MAPK10: variants seen among roughly 807,000 people sequenced by gnomAD.
MAPK10 encodes the protein JNK3 alpha protein kinase.
Under a neutral mutation model 59.3 loss-of-function variants are expected in MAPK10, and 25 were observed. The observed-to-expected ratio is 0.42, with a 90% CI of 0.31 to 0.59. The LOEUF is 0.59. Ranked by LOEUF, MAPK10 falls within the 20% of genes least tolerant of loss-of-function variation. The pLI is 0.15. For missense variants in MAPK10, 351 were observed against 568.9 expected (o/e 0.62, Z 3.90); for synonymous variants, 190 against 200.5 (o/e 0.95, Z 0.44).
At chr4:86,471,275 CAAAAAAAAAA>C in intron 1 of MAPK10, among the ~76,000 whole-genome samples, 1 of 96,868 alleles carries the variant, frequency 1.0e-5, no homozygotes, top group East Asian at 3.1e-4. Flanking sequence ...TGCCCCCCTG[CAAAAAAAAAA>C]AAAAAAAAAA....
At chr4:86,028,144 T>C (rs1350360207) in intron 13 of MAPK10, 1 of 152,258 alleles carries the variant, frequency 6.6e-6, no homozygotes, top group East Asian at 1.9e-4. Flanking sequence ...AGTTTTTTAA[T>C]GAGCAACAGG....
chr4:86,452,276 C>A (rs1490689184), intron 1 of MAPK10, among the ~76,000 whole-genome samples: 2 of 152,176 alleles, frequency 1.3e-5, no homozygotes, highest in African/African-American at 4.8e-5. Flanking sequence ...ACTAACGTGA[C>A]CCTTGGTAGG....
At chr4:86,180,922 G>A (rs184285699) in intron 3 of MAPK10, among the ~76,000 whole-genome samples, 7 of 151,882 alleles carry the variant, frequency 4.6e-5, no homozygotes, top group Admixed American at 2.6e-4. Context: ...AATAAAATAC[G>A]GTGTTCTACA....
chr4:86,329,644 TG>T (rs1252892560), intron 2 of MAPK10, among the ~76,000 whole-genome samples: 1 of 152,170 alleles, frequency 6.6e-6, no homozygotes, highest in African/African-American at 2.4e-5. Context: ...CTTATCACCT[TG>T]TTCTCCACTG....
Position 86,216,295 on chromosome 4 carries a change from C to CATATATATAT in MAPK10, c.-6-21898_-6-21889dup, listed in dbSNP as rs10639041. ...ATAGCACACACACATATATATATAG[C>CATATATATAT]ATATATATATATATATATATATAGC... On this transcript the variant is annotated intron_variant, in intron 2 of 13. Coordinates refer to ENST00000641462, the MANE Select transcript of MAPK10 (RefSeq NM_138982.4). Among the ~76,000 whole-genome samples the CATATATATAT allele has an allele frequency of 2.8e-3, 372 of 131,126 alleles. 4 individuals are homozygous for CATATATATAT. Among genetic ancestry groups the CATATATATAT allele is most frequent in the Middle Eastern group, 0.011 (3 of 270 alleles). 86.0% of individuals were successfully genotyped at this position (131,126 alleles called of 152,430 possible). A position where few individuals can be genotyped will look rare whatever the true frequency, so the allele number is the denominator to read the frequency against.
At chr4:86,168,934 G>A (rs1438139960) in intron 3 of MAPK10, among the ~76,000 whole-genome samples, 1 of 152,190 alleles carries the variant, frequency 6.6e-6, no homozygotes, top group Admixed American at 6.5e-5. Flanking sequence ...AGCCATCCCT[G>A]CTGCTACCCA....
intron 12 of MAPK10, 84 bp from the exon 13 acceptor site, chr4:86,029,358 C>A (rs1029090796): frequency 1.2e-6 from 1 of 800,016 alleles, no homozygotes; most frequent in South Asian, 1.4e-5. Context: ...CAAATAATTA[C>A]GTTTTGATGG....
intron 1 of MAPK10, among the ~76,000 whole-genome samples, chr4:86,396,352 A>G (rs1017460067): frequency 6.6e-6 from 1 of 152,178 alleles, no homozygotes; most frequent in Non-Finnish European, 1.5e-5. Context: ...GTCTCAAAAA[A>G]AAGAAAGAAA....
intron 2 of MAPK10, among the ~76,000 whole-genome samples, chr4:86,339,795 A>G (rs1162497813): frequency 2.6e-5 from 4 of 152,248 alleles, no homozygotes; most frequent in Non-Finnish European, 4.4e-5. Flanking sequence ...TAAGTTCTCC[A>G]TAAGTATTTG....
intron 1 of MAPK10, among the ~76,000 whole-genome samples, chr4:86,496,519 G>A (rs1754882759): frequency 6.6e-6 from 1 of 152,090 alleles, no homozygotes; most frequent in Non-Finnish European, 1.5e-5. Flanking sequence ...CCTATACAAA[G>A]TACATGATAC....
chr4:86,517,549 A>G (rs1756782482), intron 1 of MAPK10, among the ~76,000 whole-genome samples: 1 of 152,112 alleles, frequency 6.6e-6, no homozygotes, highest in Non-Finnish European at 1.5e-5. Flanking sequence ...TGCTGGGATT[A>G]CAGGCATGAG....
At chr4:86,336,880 T>G (rs961297914) in intron 2 of MAPK10, among the ~76,000 whole-genome samples, 1 of 136,396 alleles carries the variant, frequency 7.3e-6, no homozygotes, top group African/African-American at 2.7e-5. Flanking sequence ...AAGCTCTGCC[T>G]CCCAGGTTCA....
intron 11 of MAPK10, among the ~76,000 whole-genome samples, chr4:86,052,658 T>C (rs2043794956): frequency 6.6e-6 from 1 of 152,052 alleles, no homozygotes; most frequent in Non-Finnish European, 1.5e-5. Flanking sequence ...ATTTGTTACG[T>C]TGAATCATGG....
intron 11 of MAPK10, among the ~76,000 whole-genome samples, chr4:86,034,785 C>T (rs41457050): frequency 0.011 from 1,714 of 152,098 alleles, 26 homozygotes; most frequent in African/African-American, 0.039. Context: ...GATGCTTATT[C>T]AGTGAGCGAA....
intron 2 of MAPK10, among the ~76,000 whole-genome samples, chr4:86,344,442 T>C (rs1007189505): frequency 1.3e-5 from 2 of 152,170 alleles, no homozygotes; most frequent in African/African-American, 4.8e-5. Flanking sequence ...GAAACTATCC[T>C]ACTGTGTGGG....
chr4:86,037,421 G>A (rs1195654477), intron 11 of MAPK10, among the ~76,000 whole-genome samples: 3 of 151,966 alleles, frequency 2.0e-5, no homozygotes, highest in African/African-American at 7.3e-5. Flanking sequence ...TCGGGAGGCT[G>A]AGGCAGGAGA....
intron 2 of MAPK10, among the ~76,000 whole-genome samples, chr4:86,209,355 G>A (rs1042762379): frequency 7.2e-5 from 11 of 152,034 alleles, no homozygotes; most frequent in African/African-American, 2.7e-4. Flanking sequence ...GAAGTAGGAA[G>A]CACCAGTAAT....
intron 10 of MAPK10, among the ~76,000 whole-genome samples, chr4:86,066,662 G>C (rs1370412031): frequency 6.6e-6 from 1 of 151,496 alleles, no homozygotes; most frequent in African/African-American, 2.4e-5. Flanking sequence ...CTACTCGGGA[G>C]GTTGAGGCAG....
At chr4:86,313,285 T>A (rs575505095) in intron 2 of MAPK10, among the ~76,000 whole-genome samples, 38 of 152,200 alleles carry the variant, frequency 2.5e-4, no homozygotes, top group African/African-American at 8.7e-4. Context: ...TTAAAAAGCA[T>A]CTAGAAAATA....
Sources: allele counts gnomAD v4.1 joint callset (sites outside exome capture counted in the v4.1 genomes callset), GRCh38; gene constraint gnomAD v4.1.1; transcripts MANE v1.5; gene names NCBI Gene and HGNC (gene_info 2026-07-23, HGNC 2026-07-21).